Variants in ITGAE observed in about 807,000 individuals in gnomAD.
ITGAE encodes the protein integrin subunit alpha E.
Under a neutral mutation model 136.5 loss-of-function variants are expected in ITGAE, and 99 were observed. The observed-to-expected ratio is 0.73, with a 90% CI of 0.62 to 0.86. ITGAE has a LOEUF of 0.86. Among genes scored for constraint, ITGAE ranks in the 40% least tolerant of loss-of-function variants. ITGAE has a pLI of 0.00. For missense variants in ITGAE, 1,447 were observed against 1,515.3 expected (o/e 0.95, Z 0.75); for synonymous variants, 613 against 591.8 (o/e 1.04, Z -0.52).
Position 3,723,274 on chromosome 17 carries a change from T to A in ITGAE, c.3237+14A>T. 1 of 1,557,266 alleles carries A rather than the reference T, an allele frequency of 6.4e-7. No individual in the cohort carries two copies. Among genetic ancestry groups the A allele is most frequent in the Non-Finnish European group, 8.9e-7 (1 of 1,128,354 alleles). On this transcript the variant is annotated intron_variant, in intron 28 of 30. Coordinates refer to ENST00000263087, the MANE Select transcript of ITGAE (RefSeq NM_002208.5). The stretch of plus-strand genomic sequence containing the variant: ...ACTGGATAATCAAATCTGGAGCATT[T>A]CAGTCTCAAACACCTCCTCAGAGTG...
chr17:3,779,628 G>A (rs957860839), intron 1 of ITGAE, among the ~76,000 whole-genome samples: 3 of 151,988 alleles, frequency 2.0e-5, no homozygotes, highest in Admixed American at 6.6e-5. Context: ...CACATCCAGC[G>A]TGCAATTTAC....
intron 23 of ITGAE, among the ~76,000 whole-genome samples, chr17:3,730,021 T>G (rs1282884471): frequency 1.3e-5 from 2 of 152,332 alleles, no homozygotes; most frequent in East Asian, 1.9e-4. Flanking sequence ...GCATTAGCTA[T>G]TCTTCCTGAA....
rs762146578 is a variant in ITGAE at position 3,757,690 on chromosome 17, G to A, written c.1020+16C>T. The A allele has an allele frequency of 2.1e-5, 34 of 1,612,450 alleles. No individual in the cohort carries two copies. Among genetic ancestry groups the A allele is most frequent in the Admixed American group, 1.3e-4 (8 of 59,940 alleles). Reference sequence around the variant, plus strand: ...TGTGCAGGTTCAGGAGGTGTCTCCCGGCTCCTGGCTCTTACCCCAATGGCA... The same window carrying A: ...TGTGCAGGTTCAGGAGGTGTCTCCCAGCTCCTGGCTCTTACCCCAATGGCA... On this transcript the variant is annotated intron_variant, in intron 9 of 30. Coordinates refer to ENST00000263087, the MANE Select transcript of ITGAE (RefSeq NM_002208.5).
In ITGAE at chr17:3,757,697, G is replaced by T; in HGVS notation, c.1020+9C>A. 6.2e-7 allele frequency: 1 copy of T among 1,613,390 alleles called. No individual in the cohort carries two copies. The highest frequency in any genetic ancestry group is 8.5e-7 in the Non-Finnish European group (1 of 1,179,462). On this transcript the variant is annotated intron_variant, in intron 9 of 30. Transcript: ENST00000263087. ...GTTCAGGAGGTGTCTCCCGGCTCCT[G>T]GCTCTTACCCCAATGGCAAAGCGCT...
At chr17:3,778,176 G>C (rs2052587811) in intron 1 of ITGAE, among the ~76,000 whole-genome samples, 1 of 152,086 alleles carries the variant, frequency 6.6e-6, no homozygotes, top group Non-Finnish European at 1.5e-5. Flanking sequence ...CAGGAGACTG[G>C]AAAAGCCCAC....
At chr17:3,772,398 CTGAATGAATGAA>C (rs34814711) in intron 2 of ITGAE, among the ~76,000 whole-genome samples, 3 of 150,990 alleles carry the variant, frequency 2.0e-5, no homozygotes, top group East Asian at 2.0e-4. Context: ...TCCATACTTG[CTGAATGAATGAA>C]TGAATGAATG....
intron 1 of ITGAE, among the ~76,000 whole-genome samples, chr17:3,791,486 T>C (rs772371481): frequency 6.6e-6 from 1 of 152,116 alleles, no homozygotes; most frequent in East Asian, 1.9e-4. Flanking sequence ...TTTCGCCATG[T>C]TGGCCAGGCT....
At chr17:3,795,785 G>A (rs1001858486) in intron 1 of ITGAE, among the ~76,000 whole-genome samples, 27 of 152,018 alleles carry the variant, frequency 1.8e-4, no homozygotes, top group African/African-American at 6.5e-4. Context: ...GTGTGTGCAT[G>A]TGTGTGCATC....
intron 26 of ITGAE, chr17:3,726,045 G>A (rs2051203665): frequency 1.9e-6 from 3 of 1,614,122 alleles, no homozygotes; most frequent in East Asian, 2.2e-5. Context: ...TTTCTGTGAC[G>A]TTTCCATGGA....
intron 1 of ITGAE, among the ~76,000 whole-genome samples, chr17:3,795,519 C>T (rs1400732618): frequency 6.6e-6 from 1 of 152,166 alleles, no homozygotes; most frequent in Non-Finnish European, 1.5e-5. Flanking sequence ...CATGGCCCGT[C>T]GGAAGATTGA....
At chr17:3,791,558 C>T (rs1183727761) in intron 1 of ITGAE, among the ~76,000 whole-genome samples, 1 of 152,178 alleles carries the variant, frequency 6.6e-6, no homozygotes, top group Non-Finnish European at 1.5e-5. Context: ...GCTGGGATTA[C>T]AGGTGTGAGC....
intron 1 of ITGAE, among the ~76,000 whole-genome samples, chr17:3,796,094 CGTG>C (rs1158565861): frequency 1.2e-5 from 1 of 81,866 alleles, no homozygotes; most frequent in Non-Finnish European, 2.5e-5. Flanking sequence ...TGTATGCATC[CGTG>C]TGTGTGCATC....
chr17:3,753,087 TATC>T (rs2051910603), intron 14 of ITGAE, among the ~76,000 whole-genome samples, 200 bp downstream of exon 14: 1 of 152,148 alleles, frequency 6.6e-6, no homozygotes, highest in Non-Finnish European at 1.5e-5. Context: ...TTAGAGATAT[TATC>T]ATCAACGATC....
rs547086418 is a variant in ITGAE, at chr17:3,747,230, CA to C, written c.2155+691del. Among the ~76,000 whole-genome samples the C allele has an allele frequency of 6.6e-5, 10 of 152,306 alleles. No homozygotes were observed. The South Asian group carries it at 2.1e-3, about 32-fold the overall frequency. ...AGTGAGGAGGGAAGGGGAGAAGACA[CA>C]AGTCAGAGAGAAAGAGGAGGGTGTG... is the stretch of plus-strand genomic sequence containing the variant. On this transcript the variant is annotated intron_variant, in intron 17 of 30. Coordinates refer to ENST00000263087, the MANE Select transcript of ITGAE (RefSeq NM_002208.5).
chr17:3,741,641 G>A (rs946314520), intron 19 of ITGAE, among the ~76,000 whole-genome samples: 3 of 152,172 alleles, frequency 2.0e-5, no homozygotes, highest in African/African-American at 7.2e-5. Context: ...GGATACAATC[G>A]CAAGGCATCT....
At chr17:3,725,126 T>A in intron 26 of ITGAE, 2 of 1,614,236 alleles carry the variant, frequency 1.2e-6, no homozygotes, top group Non-Finnish European at 1.7e-6. Flanking sequence ...AAATTGTGAC[T>A]GATGTGTCAG....
chr17:3,745,914 T>C lies in ITGAE; in HGVS notation c.2169A>G (p.Ala723=), dbSNP rs1250074639. 6.2e-7 allele frequency: 1 copy of C among 1,613,718 alleles called. No homozygotes were observed. The highest frequency in any genetic ancestry group is 1.1e-5 in the South Asian group (1 of 91,050). Residue 723 remains alanine, a synonymous_variant, in exon 18 of 31, where the codon GCA becomes GCG. Transcript: ENST00000263087. ...CCACATCCAGCGTGAAGTTGAGAAG[T>C]GCCTCGCGGAGGCCTGGGAATGAAG... ...TTASESGLRE[A]LLNFTLDVDV...
At chr17:3,796,438 C>A (rs1030791169) in intron 1 of ITGAE, among the ~76,000 whole-genome samples, 2 of 152,118 alleles carry the variant, frequency 1.3e-5, no homozygotes, top group African/African-American at 4.8e-5. Context: ...ACTGAAGGAC[C>A]CTGGGCTTGG....
At chr17:3,800,530 A>C (rs1218815041) in intron 1 of ITGAE, among the ~76,000 whole-genome samples, 1 of 152,176 alleles carries the variant, frequency 6.6e-6, no homozygotes, top group Non-Finnish European at 1.5e-5. Context: ...GGACAGTTAA[A>C]GGCTAAAATG....
Sources: gnomAD v4.1 joint callset for allele counts (sites outside exome capture counted in the v4.1 genomes callset) on GRCh38, gnomAD v4.1.1 for gene constraint, MANE v1.5 for transcripts, NCBI Gene and HGNC (gene_info 2026-07-23, HGNC 2026-07-21) for gene names.